Variants in FSTL4 observed in about 807,000 individuals in gnomAD.
FSTL4 encodes the protein follistatin-related protein 4.
A neutral mutation model predicts 78.2 loss-of-function variants in FSTL4; 28 were observed. The ratio of observed to expected loss-of-function variants is 0.36; its 90% CI spans 0.27 to 0.49. The LOEUF (loss-of-function observed/expected upper bound fraction) is 0.49. Among genes scored for constraint, FSTL4 ranks in the 20% least tolerant of loss-of-function variants. FSTL4 has a pLI of 0.98. For synonymous variants in FSTL4, 422 were observed against 440.5 expected, an observed-to-expected ratio of 0.96 and a Z score of 0.53; for missense variants, 922 against 1,084.9, an observed-to-expected ratio of 0.85 and a Z score of 2.11.
chr5:133,576,481 G>A (rs1437247662), intron 2 of FSTL4, among the ~76,000 whole-genome samples: 1 of 152,222 alleles, frequency 6.6e-6, no homozygotes, highest in Non-Finnish European at 1.5e-5. Context: ...ATGGAGTGGA[G>A]CTCCATGTGA....
intron 3 of FSTL4, among the ~76,000 whole-genome samples, chr5:133,486,589 C>T (rs1219164665): frequency 6.6e-6 from 1 of 152,098 alleles, no homozygotes; most frequent in Non-Finnish European, 1.5e-5. Context: ...ATCCATCACC[C>T]GACACAAGCT....
chr5:133,395,685 T>G (rs925324802), intron 4 of FSTL4, among the ~76,000 whole-genome samples: 2 of 152,036 alleles, frequency 1.3e-5, no homozygotes, highest in African/African-American at 4.8e-5. Context: ...CCATAATCAC[T>G]TGCTCTTCCC....
intron 3 of FSTL4, among the ~76,000 whole-genome samples, chr5:133,405,525 C>T (rs1433171021): frequency 3.9e-5 from 6 of 152,330 alleles, no homozygotes; most frequent in South Asian, 4.1e-4. Flanking sequence ...CGGCAGCCCT[C>T]GCCTGGGGTC....
upstream of FSTL4, among the ~76,000 whole-genome samples, chr5:133,612,754 G>A (rs1580823130): frequency 6.6e-6 from 1 of 152,136 alleles, no homozygotes; most frequent in Non-Finnish European, 1.5e-5. This position sits in a 1 kb window ranked among gnomAD's most constrained non-coding sequence, Gnocchi z 6.2. Context: ...TAGCGCTCCT[G>A]CCTCTGGCTA....
intron 2 of FSTL4, among the ~76,000 whole-genome samples, chr5:133,568,919 C>T (rs1017529233): frequency 6.6e-6 from 1 of 152,168 alleles, no homozygotes; most frequent in East Asian, 1.9e-4. Flanking sequence ...TATCTAATAA[C>T]ACAGGATTTT....
intron 14 of FSTL4, among the ~76,000 whole-genome samples, chr5:133,205,542 C>T (rs1241377499): frequency 6.6e-6 from 1 of 152,120 alleles, no homozygotes; most frequent in African/African-American, 2.4e-5. Context: ...CCAGTCATTC[C>T]TGTAACCAAA....
chr5:133,421,212 C>T (rs1022604386), intron 3 of FSTL4, among the ~76,000 whole-genome samples: 4 of 152,254 alleles, frequency 2.6e-5, no homozygotes, highest in Non-Finnish European at 5.9e-5. Flanking sequence ...TGTCACTGCC[C>T]AGGCTGATAG....
At chr5:133,514,937 T>C (rs1243649699) in intron 3 of FSTL4, among the ~76,000 whole-genome samples, 1 of 152,230 alleles carries the variant, frequency 6.6e-6, no homozygotes, top group Non-Finnish European at 1.5e-5. Flanking sequence ...TACTTTGTAT[T>C]CTTGGACATG....
At chr5:133,550,434 C>T (rs1056658131) in intron 3 of FSTL4, among the ~76,000 whole-genome samples, 4 of 152,144 alleles carry the variant, frequency 2.6e-5, no homozygotes, top group African/African-American at 7.2e-5. Flanking sequence ...ACATCCTAGT[C>T]CCCCATACTA....
chr5:133,805,876 G>A, the FSTL4 span, among the ~76,000 whole-genome samples: 1 of 152,184 alleles, frequency 6.6e-6, no homozygotes, highest in African/African-American at 2.4e-5. Flanking sequence ...GAATCTCAGT[G>A]TCATCATCTC....
chr5:133,341,751 C>T (rs58809764), intron 4 of FSTL4, among the ~76,000 whole-genome samples: 19,143 of 152,170 alleles, frequency 0.13, 1,475 homozygotes, highest in African/African-American at 0.21. Flanking sequence ...AGGTGTCAAC[C>T]TTGAATGTGC....
the FSTL4 span, among the ~76,000 whole-genome samples, chr5:133,700,127 C>T: frequency 6.6e-6 from 1 of 152,086 alleles, no homozygotes; most frequent in Non-Finnish European, 1.5e-5. Flanking sequence ...CCACACCAAA[C>T]CACCACACCA....
chr5:133,395,388 G>A (rs1251755517), intron 4 of FSTL4, among the ~76,000 whole-genome samples: 1 of 152,194 alleles, frequency 6.6e-6, no homozygotes. Flanking sequence ...CACTCCTGAA[G>A]CCAGCGAGAC....
chr5:133,633,389 C>T, the FSTL4 span, among the ~76,000 whole-genome samples: 1 of 152,170 alleles, frequency 6.6e-6, no homozygotes, highest in East Asian at 1.9e-4. Flanking sequence ...CCTCTGTCCC[C>T]TCCAATCTGC....
At chr5:133,797,398 G>A in the FSTL4 span, among the ~76,000 whole-genome samples, 1 of 152,268 alleles carries the variant, frequency 6.6e-6, no homozygotes, top group African/African-American at 2.4e-5. Context: ...TAGTAAGACT[G>A]ATGACCTGCA....
In FSTL4 at chr5:133,611,905, T is replaced by C. The variant is rs75229205; in HGVS notation, c.-11+420A>G. ...CCCGGGCCGAGGGGCCGCGCTCGCC[T>C]GGCTCCGCCGGGGCCGCTCGGGGTC... On this transcript the variant is annotated intron_variant, in intron 1 of 15. Transcript: ENST00000265342. This position sits in a 1 kb window ranked among gnomAD's most constrained non-coding sequence, Gnocchi z 4.9. Among the ~76,000 whole-genome samples the C allele has an allele frequency of 0.075, 11,439 of 152,022 alleles. 448 individuals are homozygous for C. The highest frequency in any genetic ancestry group is 0.17 in the South Asian group (832 of 4,828).
intron 3 of FSTL4, among the ~76,000 whole-genome samples, chr5:133,468,531 C>T (rs1414545243): frequency 1.2e-4 from 19 of 152,196 alleles, no homozygotes. Flanking sequence ...GAGAGAATTA[C>T]TAGACCTGCC....
At chr5:133,217,156 A>C (rs766280649) in intron 13 of FSTL4, 73 bp downstream of exon 13, 164 of 1,303,792 alleles carry the variant, frequency 1.3e-4, no homozygotes, top group Non-Finnish European at 9.4e-5. Context: ...GGGAGTATGC[A>C]GAAAGCAAAG....
chr5:133,739,138 A>G, the FSTL4 span, among the ~76,000 whole-genome samples: 2 of 152,106 alleles, frequency 1.3e-5, no homozygotes, highest in Non-Finnish European at 2.9e-5. Flanking sequence ...ACTGAGCACC[A>G]AATCCAAATT....
Sources: allele counts gnomAD v4.1 joint callset (sites outside exome capture counted in the v4.1 genomes callset), GRCh38; gene constraint gnomAD v4.1.1; non-coding constraint Gnocchi (gnomAD v3.1); transcripts MANE v1.5; gene names NCBI Gene and HGNC (gene_info 2026-07-23, HGNC 2026-07-21).